ARHGAP26: variants seen among roughly 807,000 people sequenced by gnomAD.
ARHGAP26 encodes the protein rho GTPase-activating protein 26.
A neutral mutation model predicts 104.8 loss-of-function variants in ARHGAP26; 38 were observed. The ratio of observed to expected loss-of-function variants is 0.36; its 90% CI spans 0.28 to 0.48. The LOEUF (loss-of-function observed/expected upper bound fraction) is 0.48, where lower values mean the gene tolerates loss of function less well. ARHGAP26 is among the 20% of genes least tolerant of loss of function. ARHGAP26 has a pLI of 0.99. For missense variants in ARHGAP26, 704 were observed against 947.9 expected, an observed-to-expected ratio of 0.74 and a Z score of 3.38; for synonymous variants, 341 against 340.0, an observed-to-expected ratio of 1.00 and a Z score of -0.03.
At chr5:142,994,430 C>G (rs1776081648) in intron 11 of ARHGAP26, among the ~76,000 whole-genome samples, 1 of 152,108 alleles carries the variant, frequency 6.6e-6, no homozygotes. Flanking sequence ...GAAATCTGGA[C>G]ATTATGCTGT....
chr5:143,087,058 G>A (rs3776317), intron 17 of ARHGAP26, among the ~76,000 whole-genome samples: 117,617 of 152,196 alleles, frequency 0.77, 48,902 homozygotes, highest in Non-Finnish European at 0.93. Context: ...AGGGTCCTTG[G>A]CATTGTGACT....
intron 5 of ARHGAP26, among the ~76,000 whole-genome samples, chr5:142,888,904 G>A (rs1430673811): frequency 1.3e-5 from 2 of 152,196 alleles, no homozygotes; most frequent in African/African-American, 4.8e-5. Context: ...TGGTTGACGG[G>A]TTTAATCAAG....
chr5:142,839,255 CAG>C (rs1248525115), intron 1 of ARHGAP26, among the ~76,000 whole-genome samples: 4 of 151,478 alleles, frequency 2.6e-5, no homozygotes, highest in South Asian at 2.1e-4. Context: ...TTGATTTTCA[CAG>C]AGTTATCTGA....
rs1160031785 is a variant in ARHGAP26, at chr5:142,770,839, A to G, written c.78A>G (p.Glu26=). ...TCCGAGAGACGCTCAAGTCGCACGAAGCAGAGCTGGACAAGACCAACAAAT... is the reference window on the plus strand; with the variant it reads ...TCCGAGAGACGCTCAAGTCGCACGAGGCAGAGCTGGACAAGACCAACAAAT... ...PHFRETLKSH[E]AELDKTNKFI... is the part of the protein sequence containing the mutation. The change falls in exon 1 of 23, where the codon GAA becomes GAG. Residue 26 remains glutamate (E), a synonymous_variant. Coordinates refer to ENST00000645722, the MANE Select transcript of ARHGAP26 (RefSeq NM_001135608.3). 2 of 1,611,782 alleles carry G rather than the reference A, an allele frequency of 1.2e-6. No homozygotes were observed. The highest frequency in any genetic ancestry group is 1.7e-6 in the Non-Finnish European group (2 of 1,178,872).
At chr5:142,986,946 A>C (rs145525645) in intron 11 of ARHGAP26, among the ~76,000 whole-genome samples, 104,585 of 152,056 alleles carry the variant, frequency 0.69, 37,131 homozygotes, top group Non-Finnish European at 0.78. Context: ...GTGATGCCTC[A>C]AGCTTTGTTC....
chr5:143,187,909 G>A (rs1053834683), intron 20 of ARHGAP26, among the ~76,000 whole-genome samples: 1 of 152,190 alleles, frequency 6.6e-6, no homozygotes, highest in Non-Finnish European at 1.5e-5. Context: ...GACACTGATT[G>A]TCCCTTCTCA....
intron 1 of ARHGAP26, among the ~76,000 whole-genome samples, chr5:142,795,212 T>C (rs1039789700): frequency 1.3e-5 from 2 of 152,098 alleles, no homozygotes; most frequent in African/African-American, 4.8e-5. Flanking sequence ...ATTGACTGTA[T>C]GGGCATTTTA....
chr5:143,185,437 A>G (rs956044736), intron 20 of ARHGAP26, among the ~76,000 whole-genome samples: 4 of 152,212 alleles, frequency 2.6e-5, no homozygotes, highest in Non-Finnish European at 1.5e-5. Flanking sequence ...TTAAAAATAT[A>G]TGTTATGGGG....
chr5:143,184,348 G>A (rs3836770), intron 20 of ARHGAP26, among the ~76,000 whole-genome samples: 111 of 152,058 alleles, frequency 7.3e-4, no homozygotes, highest in African/African-American at 2.5e-3. Context: ...TGTCTCTCCC[G>A]TAAAAACATG....
chr5:143,015,692 G>A (rs561417608), intron 12 of ARHGAP26, among the ~76,000 whole-genome samples: 17 of 152,146 alleles, frequency 1.1e-4, no homozygotes, highest in Non-Finnish European at 1.8e-4. Context: ...GGGACACATT[G>A]CCTCCATAAT....
At chr5:142,869,203 T>G (rs896143683) in intron 1 of ARHGAP26, among the ~76,000 whole-genome samples, 1 of 147,760 alleles carries the variant, frequency 6.8e-6, no homozygotes, top group Admixed American at 6.7e-5. Context: ...TTCTTTTTCT[T>G]TTTTCTTTTT....
At chr5:143,041,659 T>A in intron 13 of ARHGAP26, 157 bp from the exon 14 acceptor site, 1 of 612,292 alleles carries the variant, frequency 1.6e-6, no homozygotes, top group Non-Finnish European at 3.0e-6. Context: ...ACTCGTTTGC[T>A]AAGAGCTGAG....
At chr5:143,105,971 A>C (rs1419004889) in intron 17 of ARHGAP26, among the ~76,000 whole-genome samples, 2 of 151,764 alleles carry the variant, frequency 1.3e-5, no homozygotes, top group Non-Finnish European at 2.9e-5. Flanking sequence ...ATAATGAACT[A>C]TTTGAATCCT....
chr5:143,125,303 A>G (rs932756962), intron 18 of ARHGAP26, among the ~76,000 whole-genome samples: 4 of 152,036 alleles, frequency 2.6e-5, no homozygotes, highest in Non-Finnish European at 5.9e-5. Flanking sequence ...AGTGAACATG[A>G]TCTCCTTTAT....
intron 11 of ARHGAP26, among the ~76,000 whole-genome samples, chr5:142,977,373 C>T (rs1773252896): frequency 6.6e-6 from 1 of 151,982 alleles, no homozygotes; most frequent in African/African-American, 2.4e-5. Flanking sequence ...AACAGATATT[C>T]CACATTCTTT....
At chr5:142,906,035 A>G (rs1231017353) in intron 8 of ARHGAP26, among the ~76,000 whole-genome samples, 1 of 152,200 alleles carries the variant, frequency 6.6e-6, no homozygotes, top group Non-Finnish European at 1.5e-5. Context: ...GACATTTTTG[A>G]ACAACACAGT....
chr5:142,814,894 G>A (rs1764798292), intron 1 of ARHGAP26, among the ~76,000 whole-genome samples: 1 of 152,190 alleles, frequency 6.6e-6, no homozygotes, highest in South Asian at 2.1e-4. Flanking sequence ...CCAGTTATTA[G>A]CCTCTGCTCT....
chr5:143,041,722 GAAA>G (rs34295120), intron 13 of ARHGAP26, 91 bp from the exon 14 acceptor site: 22,033 of 636,988 alleles, frequency 0.035, 1,234 homozygotes, highest in African/African-American at 0.24. Flanking sequence ...CTGAGAAAAT[GAAA>G]AAAAAAAAAA....
At chr5:142,837,385 A>G (rs1035413083) in intron 1 of ARHGAP26, among the ~76,000 whole-genome samples, 3 of 151,756 alleles carry the variant, frequency 2.0e-5, no homozygotes, top group African/African-American at 7.3e-5. Context: ...GACCAGCCTT[A>G]GTGCTTTGTG....
Sources: allele counts gnomAD v4.1 joint callset (sites outside exome capture counted in the v4.1 genomes callset), GRCh38; gene constraint gnomAD v4.1.1; transcripts MANE v1.5; gene names NCBI Gene and HGNC (gene_info 2026-07-23, HGNC 2026-07-21).